The following TTLL3 variants were observed in gnomAD, a reference collection of about 807,000 sequenced individuals.
TTLL3 encodes the protein tubulin monoglycylase TTLL3.
A neutral mutation model predicts 75.2 loss-of-function variants in TTLL3; 63 were observed. The observed-to-expected ratio is 0.84, with a 90% CI of 0.68 to 1.03. The LOEUF is 1.03. Among genes scored for constraint, TTLL3 ranks in the 50% least tolerant of loss-of-function variants. The pLI, the probability that TTLL3 is intolerant of heterozygous loss-of-function variation, is 0.00. For synonymous variants in TTLL3, 393 were observed against 418.5 expected (o/e 0.94, Z 0.74); for missense variants, 997 against 1,069.9 (o/e 0.93, Z 0.95).
At chr3:9,819,411 C>T in intron 7 of TTLL3, 5 of 696,782 alleles carry the variant, frequency 7.2e-6, no homozygotes, top group Non-Finnish European at 8.9e-6. Flanking sequence ...TGATCCACTC[C>T]TCATTCAGCC....
chr3:9,820,341 A>G, intron 7 of TTLL3: 1 of 1,427,254 alleles, frequency 7.0e-7, no homozygotes, highest in Non-Finnish European at 9.1e-7. Flanking sequence ...GTCCTGGGAC[A>G]GTGGGAGCCA....
chr3:9,825,982 C>T (rs1201863402), intron 9 of TTLL3, 34 bp downstream of exon 9: 4 of 1,604,752 alleles, frequency 2.5e-6, no homozygotes, highest in Non-Finnish European at 3.4e-6. Context: ...GCACTGGCAC[C>T]TCACCACCTG....
chr3:9,817,856 C>T, intron 6 of TTLL3, 97 bp downstream of exon 6: 1 of 1,464,810 alleles, frequency 6.8e-7, no homozygotes, highest in Non-Finnish European at 9.3e-7. Flanking sequence ...CTCTTCATGC[C>T]CTCATCTGCC....
Position 9,817,894 on chromosome 3 carries a change from TC to T in TTLL3, c.559+136del. 3.5e-6 allele frequency: 4 copies of T among 1,144,890 alleles called. No individual in the cohort carries two copies. In the South Asian group the frequency reaches 6.1e-5, roughly 17 times the overall value. 70.9% of individuals were successfully genotyped at this position (1,144,890 alleles called of 1,614,324 possible). On this transcript the variant is annotated intron_variant, in intron 6 of 13. Coordinates refer to ENST00000685419, the MANE Select transcript of TTLL3 (RefSeq NM_001387446.1). ...CCCCAGCAGATTTCCCTTTCCACCCTCAATCCTTATCCTTCCCTAATGTGCC... is the reference window on the plus strand; with the variant it reads ...CCCCAGCAGATTTCCCTTTCCACCCTAATCCTTATCCTTCCCTAATGTGCC...
At position 9,829,394 on chromosome 3, in the gene TTLL3, AG is replaced by A; in HGVS notation, c.1683+1del. The part of the protein sequence containing the change: ...DTGAFELIYK[Q>X]PAVEVPQYVG... ...GGAGCCTTTGAGCTCATCTATAAGC[AG>A]GTGAGGAGGTTGGGCCCAGGCAGGA... On this transcript the variant is annotated frameshift_variant and splice_region_variant, in exon 11 of 14. Transcript: ENST00000685419. LOFTEE classifies it high-confidence loss of function. 1 of 1,582,592 alleles carries A rather than the reference AG, an allele frequency of 6.3e-7. No individual in the cohort carries two copies. Among genetic ancestry groups the A allele is most frequent in the East Asian group, 2.3e-5 (1 of 44,432 alleles).
chr3:9,828,260 G>A (rs2081239199), intron 10 of TTLL3: 1 of 122,576 alleles, frequency 8.2e-6, no homozygotes, highest in African/African-American at 3.0e-5. Flanking sequence ...TAACTTCTAG[G>A]GTGAGAGAAA....
Position 9,835,456 on chromosome 3 carries a change from G to T in TTLL3, c.2415G>T (p.Arg805Ser). Residue 805 changes from arginine (R) to serine (S), a missense_variant, in exon 14 of 14, where the codon AGG becomes AGT. Arg to Ser is a moderately radical substitution (Grantham distance 110). Transcript: ENST00000685419. ...GAGGGTCAAGAGTGGATGGGGCGAG[G>T]CCGTGTACCCCAGGGTCCACAGCAA... ...AVGGSRVDGA[R>S]PCTPGSTARA 3 of 1,608,942 alleles carry T rather than the reference G, an allele frequency of 1.9e-6. No homozygotes were observed. The highest frequency in any genetic ancestry group is 2.5e-6 in the Non-Finnish European group (3 of 1,178,352).
At chr3:9,820,454 T>C in intron 7 of TTLL3, 92 bp from the exon 8 acceptor site, 2 of 1,563,898 alleles carry the variant, frequency 1.3e-6, no homozygotes, top group Non-Finnish European at 1.7e-6. Context: ...GGGCCTCAGG[T>C]AAGTGACAGG....
At chr3:9,815,344 G>A (rs1575361725) in intron 4 of TTLL3, among the ~76,000 whole-genome samples, 1 of 152,054 alleles carries the variant, frequency 6.6e-6, no homozygotes, top group African/African-American at 2.4e-5. Context: ...TTGCCTTCCT[G>A]TGCCTCAGTT....
intron 8 of TTLL3, among the ~76,000 whole-genome samples, chr3:9,822,211 G>A (rs1038705986): frequency 6.6e-5 from 10 of 150,458 alleles, no homozygotes; most frequent in Non-Finnish European, 1.3e-4. Context: ...GATTACAGGC[G>A]CCCACCACCA....
Position 9,810,431 on chromosome 3 carries a change from C to T in TTLL3, c.-42+37C>T. The T allele has an allele frequency of 3.5e-6, 5 of 1,424,216 alleles. No individual in the cohort carries two copies. Among genetic ancestry groups the T allele is most frequent in the Non-Finnish European group, 4.6e-6 (5 of 1,094,148 alleles). 88.2% of individuals were successfully genotyped at this position (1,424,216 alleles called of 1,614,324 possible). ...GCGGCCCGCTCGCTCTGGCCTACAGCGGCTGCGAGGACGACAAGACGCTGG... is the reference window on the plus strand; with the variant it reads ...GCGGCCCGCTCGCTCTGGCCTACAGTGGCTGCGAGGACGACAAGACGCTGG... On this transcript the variant is annotated intron_variant, in intron 1 of 13. Coordinates refer to ENST00000685419, the MANE Select transcript of TTLL3 (RefSeq NM_001387446.1). This position sits in a 1 kb window ranked among gnomAD's most constrained non-coding sequence, Gnocchi z 4.4.
intron 4 of TTLL3, among the ~76,000 whole-genome samples, 159 bp from the exon 5 acceptor site, chr3:9,815,912 ATCT>A (rs1446490099): frequency 2.6e-5 from 4 of 152,202 alleles, no homozygotes; most frequent in African/African-American, 7.2e-5. Flanking sequence ...AGGAAGAGAA[ATCT>A]TCTTGACTTA....
intron 11 of TTLL3, among the ~76,000 whole-genome samples, chr3:9,832,079 C>CTTTT (rs1334474597): frequency 2.0e-5 from 1 of 50,604 alleles, no homozygotes; most frequent in South Asian, 4.2e-4. Context: ...GCAATAGCTG[C>CTTTT]ATTTTTTTTT....
chr3:9,817,325 G>A (rs1214377826), intron 5 of TTLL3: 11 of 592,082 alleles, frequency 1.9e-5, no homozygotes, highest in Admixed American at 6.3e-5. Flanking sequence ...TCTGGAGGCC[G>A]AGGCAGGAGA....
chr3:9,835,066 C>A, intron 13 of TTLL3, 28 bp from the exon 14 acceptor site: 8 of 1,589,938 alleles, frequency 5.0e-6, no homozygotes, highest in Non-Finnish European at 6.9e-6. Flanking sequence ...CTGATCATCT[C>A]CCTCTTCTCC....
chr3:9,832,876 C>G (rs929123271), intron 11 of TTLL3, among the ~76,000 whole-genome samples: 1 of 152,218 alleles, frequency 6.6e-6, no homozygotes, highest in Non-Finnish European at 1.5e-5. Context: ...CTGAGGGGTG[C>G]TGGTGGGACA....
chr3:9,810,279 C>T lies in TTLL3; in HGVS notation c.-157C>T, dbSNP rs1038966290. 32 of 1,504,558 alleles carry T rather than the reference C, an allele frequency of 2.1e-5. No homozygotes were observed. The Admixed American group carries it at 5.6e-4, about 26-fold the overall frequency. 93.2% of individuals were successfully genotyped at this position (1,504,558 alleles called of 1,614,324 possible). A position where few individuals can be genotyped will look rare whatever the true frequency, so the allele number is the denominator to read the frequency against. On this transcript the variant is annotated 5_prime_UTR_variant, in exon 1 of 14. Coordinates refer to ENST00000685419, the MANE Select transcript of TTLL3 (RefSeq NM_001387446.1). The surrounding 1 kb of genome is among the most constrained non-coding windows in gnomAD (Gnocchi z 4.4). ...AGGCGGGCAGCCCCGCCCCTGCGCGCCGCCTCAGCGGCGCCTTCAAGACGC... is the reference window on the plus strand; with the variant it reads ...AGGCGGGCAGCCCCGCCCCTGCGCGTCGCCTCAGCGGCGCCTTCAAGACGC...
chr3:9,825,542 G>C, intron 8 of TTLL3: 2 of 546,860 alleles, frequency 3.7e-6, no homozygotes, highest in African/African-American at 1.9e-5. Flanking sequence ...CACAGGTGGA[G>C]TGTTGGAGTA....
rs373556364 is a variant in TTLL3 at position 9,813,357 on chromosome 3, G to A, written c.315+12G>A. 6 of 1,613,640 alleles carry A rather than the reference G, an allele frequency of 3.7e-6. No individual in the cohort carries two copies. In the Admixed American group the frequency reaches 5.0e-5, roughly 13 times the overall value. On this transcript the variant is annotated intron_variant, in intron 4 of 13. Transcript: ENST00000685419. ...CACATGCTCTGATGGTGAGGGCCCT[G>A]GGGGCCAAGATGATACAGGGACTGC...
Sources: allele counts gnomAD v4.1 joint callset (sites outside exome capture counted in the v4.1 genomes callset), GRCh38; gene constraint gnomAD v4.1.1; non-coding constraint Gnocchi (gnomAD v3.1); transcripts MANE v1.5; gene names NCBI Gene and HGNC (gene_info 2026-07-23, HGNC 2026-07-21).